Variants in STAB2 observed in about 807,000 individuals in gnomAD.
STAB2 encodes the protein stabilin 2.
Under a neutral mutation model 338.1 loss-of-function variants are expected in STAB2, and 288 were observed. The ratio of observed to expected loss-of-function variants is 0.85; its 90% CI spans 0.77 to 0.94. The LOEUF (loss-of-function observed/expected upper bound fraction) is 0.94. STAB2 is among the 40% of genes least tolerant of loss of function. The pLI, the probability that STAB2 is intolerant of heterozygous loss-of-function variation, is 0.00. For missense variants in STAB2, 3,141 were observed against 3,210.1 expected, an observed-to-expected ratio of 0.98 and a Z score of 0.52; for synonymous variants, 1,202 against 1,193.3, an observed-to-expected ratio of 1.01 and a Z score of -0.15.
At chr12:103,730,942 T>C (rs1881587054) in intron 49 of STAB2, among the ~76,000 whole-genome samples, 1 of 152,178 alleles carries the variant, frequency 6.6e-6, no homozygotes. Context: ...CCCAGCTACT[T>C]GGGAGGCTGA....
intron 58 of STAB2, among the ~76,000 whole-genome samples, chr12:103,748,605 TACACACACACACACACACAC>T (rs71097994): frequency 0.16 from 22,755 of 141,164 alleles, 1,913 homozygotes; most frequent in Non-Finnish European, 0.21. Flanking sequence ...CACACACACA[TACACACACACACACACACAC>T]ACACACACAC....
At chr12:103,681,725 G>T (rs928163476) in intron 25 of STAB2, among the ~76,000 whole-genome samples, 1 of 147,778 alleles carries the variant, frequency 6.8e-6, no homozygotes, top group East Asian at 2.0e-4. Flanking sequence ...GGGTTCAAGC[G>T]ATTCTCCTGC....
At chr12:103,598,737 C>G (rs1328351328) in intron 3 of STAB2, among the ~76,000 whole-genome samples, 1 of 152,210 alleles carries the variant, frequency 6.6e-6, no homozygotes, top group African/African-American at 2.4e-5. Context: ...CATACCCCCA[C>G]ATTCCTGCTA....
At chr12:103,759,414 C>T (rs1372724786) in intron 65 of STAB2, 141 bp downstream of exon 65, 1 of 1,250,426 alleles carries the variant, frequency 8.0e-7, no homozygotes, top group Non-Finnish European at 1.1e-6. Context: ...GTTAACTGCC[C>T]ACTACAGCAT....
At chr12:103,735,326 G>A (rs563848193) in intron 51 of STAB2, among the ~76,000 whole-genome samples, 165 bp from the exon 52 acceptor site, 20 of 152,316 alleles carry the variant, frequency 1.3e-4, no homozygotes, top group African/African-American at 4.3e-4. Flanking sequence ...AGAGAGCCCC[G>A]ATTATTCTTC....
chr12:103,762,515 G>A (rs1884613730), intron 67 of STAB2, 113 bp downstream of exon 67: 1 of 1,538,370 alleles, frequency 6.5e-7, no homozygotes, highest in Non-Finnish European at 8.9e-7. Context: ...GAAGCAGTGT[G>A]TCACACAGTA....
chr12:103,721,210 T>A (rs1880735564), intron 44 of STAB2, among the ~76,000 whole-genome samples: 1 of 151,966 alleles, frequency 6.6e-6, no homozygotes, highest in Non-Finnish European at 1.5e-5. Context: ...AGAGACTGGG[T>A]GAGAGGGGAA....
chr12:103,679,046 A>C (rs576823473), intron 25 of STAB2, among the ~76,000 whole-genome samples: 1 of 152,006 alleles, frequency 6.6e-6, no homozygotes, highest in Admixed American at 6.5e-5. Flanking sequence ...TCTGTACAGA[A>C]CTCTTTCCAA....
At chr12:103,714,268 A>C (rs1880121791) in intron 42 of STAB2, among the ~76,000 whole-genome samples, 1 of 152,194 alleles carries the variant, frequency 6.6e-6, no homozygotes. Context: ...TTAAATATCC[A>C]CACACTGTTC....
intron 47 of STAB2, among the ~76,000 whole-genome samples, chr12:103,727,769 A>G (rs1048920493): frequency 6.6e-6 from 1 of 152,214 alleles, no homozygotes; most frequent in African/African-American, 2.4e-5. Context: ...TTGCCCATTC[A>G]TAATAATGAT....
chr12:103,717,868 C>T (rs756226849), intron 44 of STAB2, 27 bp downstream of exon 44: 3 of 1,612,950 alleles, frequency 1.9e-6, no homozygotes, highest in East Asian at 4.5e-5. Flanking sequence ...GGTGGATATC[C>T]TTCAAGCCTC....
At chr12:103,645,464 A>G (rs1405833309) in intron 9 of STAB2, among the ~76,000 whole-genome samples, 1 of 152,254 alleles carries the variant, frequency 6.6e-6, no homozygotes, top group Non-Finnish European at 1.5e-5. Context: ...TAACAACTCA[A>G]GAAACTTTTA....
intron 12 of STAB2, among the ~76,000 whole-genome samples, chr12:103,653,221 G>A (rs1038060808): frequency 2.6e-5 from 4 of 151,786 alleles, no homozygotes; most frequent in Non-Finnish European, 5.9e-5. Flanking sequence ...TTATTGAGCT[G>A]GGGAGCAGGT....
chr12:103,596,891 T>C (rs958381428), intron 3 of STAB2, among the ~76,000 whole-genome samples: 2 of 141,224 alleles, frequency 1.4e-5, no homozygotes, highest in Admixed American at 1.6e-4. Context: ...AGGCAGAGGT[T>C]GCAATGAGCC....
intron 34 of STAB2, among the ~76,000 whole-genome samples, 158 bp from the exon 35 acceptor site, chr12:103,702,990 C>T (rs1451206811): frequency 1.3e-5 from 2 of 152,232 alleles, no homozygotes; most frequent in African/African-American, 4.8e-5. Flanking sequence ...ACTTCCGCTC[C>T]TAAGTCAGAG....
chr12:103,739,415 G>T lies in STAB2; in HGVS notation c.5701G>T (p.Glu1901Ter). 1 of 1,588,526 alleles carries T rather than the reference G, an allele frequency of 6.3e-7. No individual in the cohort carries two copies. The highest frequency in any genetic ancestry group is 8.6e-7 in the Non-Finnish European group (1 of 1,168,220). ...DTFTTFDASG[E>*]CGSCVNTPSC... ...TGTTTCTTTTCTTGCATACTAGGGG[G>T]AGTGTGGGAGCTGTGTCAATACTCC... Residue 1901 changes from glutamate to a stop codon, truncating the protein, a stop_gained, in exon 54 of 69, where the codon GAG becomes TAG. Coordinates refer to ENST00000388887, the MANE Select transcript of STAB2 (RefSeq NM_017564.10). LOFTEE classifies it high-confidence loss of function.
At chr12:103,653,390 G>A (rs1293540931) in intron 12 of STAB2, among the ~76,000 whole-genome samples, 6 of 152,130 alleles carry the variant, frequency 3.9e-5, no homozygotes, top group Admixed American at 3.3e-4. Context: ...ACCCTGTAAA[G>A]GAGGGACTTC....
intron 22 of STAB2, among the ~76,000 whole-genome samples, chr12:103,671,860 G>T (rs1312353450): frequency 6.6e-6 from 1 of 152,058 alleles, no homozygotes; most frequent in Non-Finnish European, 1.5e-5. Flanking sequence ...ATGACATCCT[G>T]TATATATTTA....
At position 103,704,626 on chromosome 12, in the gene STAB2, G is replaced by A; in HGVS notation, c.3900+12G>A. 2 of 1,612,958 alleles carry A rather than the reference G, an allele frequency of 1.2e-6. No individual in the cohort carries two copies. Among genetic ancestry groups the A allele is most frequent in the Non-Finnish European group, 1.7e-6 (2 of 1,179,502 alleles). On this transcript the variant is annotated intron_variant, in intron 36 of 68. Transcript: ENST00000388887. Reference sequence around the variant, plus strand: ...GAACTAAATCTCTAGTAAGTACTTTGTCTGTTTTGATAAAATAGTTTCCAG... The same window carrying A: ...GAACTAAATCTCTAGTAAGTACTTTATCTGTTTTGATAAAATAGTTTCCAG...
Sources: gnomAD v4.1 joint callset for allele counts (sites outside exome capture counted in the v4.1 genomes callset) on GRCh38, gnomAD v4.1.1 for gene constraint, MANE v1.5 for transcripts, NCBI Gene and HGNC (gene_info 2026-07-23, HGNC 2026-07-21) for gene names.